The following CHRM2 variants were observed in gnomAD, a reference collection of about 807,000 sequenced individuals.
CHRM2 encodes the protein muscarinic acetylcholine receptor M2.
CHRM2 carries 8 observed loss-of-function variants against 25.0 expected under a neutral mutation model. The ratio of observed to expected loss-of-function variants is 0.32; its 90% CI spans 0.19 to 0.58. The LOEUF is 0.58. Ranked by LOEUF, CHRM2 falls within the 20% of genes least tolerant of loss-of-function variation. The pLI is 0.88. For synonymous variants in CHRM2, 202 were observed against 205.7 expected, an observed-to-expected ratio of 0.98 and a Z score of 0.15; for missense variants, 440 against 567.1, an observed-to-expected ratio of 0.78 and a Z score of 2.28.
chr7:136,871,438 C>T (rs1158241719), intron 2 of CHRM2: 1 of 152,654 alleles, frequency 6.6e-6, no homozygotes, highest in Non-Finnish European at 1.5e-5. Context: ...TGCGCCAGCG[C>T]TTCTGTTCGC....
At chr7:136,974,128 C>T (rs1801961803) in intron 2 of CHRM2, among the ~76,000 whole-genome samples, 1 of 152,036 alleles carries the variant, frequency 6.6e-6, no homozygotes, top group Non-Finnish European at 1.5e-5. Context: ...ATTTATGTCA[C>T]CTGAATTAAT....
intron 2 of CHRM2, among the ~76,000 whole-genome samples, chr7:136,943,835 C>T (rs531188670): frequency 2.8e-4 from 42 of 152,156 alleles, no homozygotes; most frequent in African/African-American, 7.9e-4. Flanking sequence ...AAGAAGGGAA[C>T]GTGCATATTT....
rs1290104978 is a variant in CHRM2, at chr7:136,930,927, A to AAAAAAAAAG, written c.-124-61260_-124-61259insAAAAAAAAG. On this transcript the variant is annotated intron_variant, in intron 2 of 3. Coordinates refer to ENST00000680005, the MANE Select transcript of CHRM2 (RefSeq NM_001006630.2). ...AAAAAAAAAAAAAAAAAAAAAAAAA[A>AAAAAAAAAG]GGATAGAAAGATCCTTACCACATAT... 2.1e-4 allele frequency among the ~76,000 whole-genome samples: 29 copies of AAAAAAAAAG among 138,660 alleles called. 1 individual carries two copies. The highest frequency in any genetic ancestry group is 8.1e-4 in the African/African-American group (29 of 35,854). 91.0% of individuals were successfully genotyped at this position (138,660 alleles called of 152,430 possible). A position where few individuals can be genotyped will look rare whatever the true frequency, so the allele number is the denominator to read the frequency against.
chr7:136,884,497 T>A (rs1306404170), intron 2 of CHRM2, among the ~76,000 whole-genome samples: 6 of 151,772 alleles, frequency 4.0e-5, no homozygotes, highest in Non-Finnish European at 8.8e-5. Context: ...TTTTTTTTTT[T>A]TGGTTGTCTT....
At chr7:136,874,855 T>C (rs1229576977) in intron 2 of CHRM2, among the ~76,000 whole-genome samples, 2 of 151,814 alleles carry the variant, frequency 1.3e-5, no homozygotes, top group Non-Finnish European at 2.9e-5. Context: ...AGGATATTTA[T>C]ACCCTTACAG....
At chr7:136,893,525 C>G (rs1477763382) in intron 2 of CHRM2, among the ~76,000 whole-genome samples, 1 of 152,184 alleles carries the variant, frequency 6.6e-6, no homozygotes, top group Non-Finnish European at 1.5e-5. Flanking sequence ...TTCCTCCTCA[C>G]TAGATTGCCC....
intron 3 of CHRM2, among the ~76,000 whole-genome samples, chr7:136,998,882 G>A (rs1396409413): frequency 3.3e-5 from 5 of 151,828 alleles, no homozygotes; most frequent in Admixed American, 3.3e-4. Flanking sequence ...AAGAAAACAT[G>A]TGCACATAGT....
intron 2 of CHRM2, among the ~76,000 whole-genome samples, chr7:136,951,244 G>C (rs1378588660): frequency 6.6e-6 from 1 of 152,176 alleles, no homozygotes; most frequent in Middle Eastern, 3.2e-3. Context: ...AAGGTGCCAG[G>C]CACATGGATG....
rs182951420 is a variant in CHRM2 at position 136,933,929 on chromosome 7, C to T, written c.-124-58258C>T. Among the ~76,000 whole-genome samples the T allele has an allele frequency of 7.2e-5, 11 of 152,092 alleles. No individual in the cohort carries two copies. In the South Asian group the frequency reaches 1.0e-3, roughly 14 times the overall value. On this transcript the variant is annotated intron_variant, in intron 2 of 3. Transcript: ENST00000680005. ...GTGAGTTTGGGAAAATTGCAAGTAA[C>T]GGCTAATGAGTATGAGATTTTTGTT... is the stretch of plus-strand genomic sequence containing the variant.
chr7:136,930,074 A>G (rs1184443584), intron 2 of CHRM2, among the ~76,000 whole-genome samples: 2 of 151,924 alleles, frequency 1.3e-5, no homozygotes, highest in African/African-American at 4.8e-5. Flanking sequence ...AATGAAACAT[A>G]AAGAAGAAAG....
chr7:136,955,103 G>A (rs543362734), intron 2 of CHRM2, among the ~76,000 whole-genome samples: 50 of 152,268 alleles, frequency 3.3e-4, no homozygotes, highest in African/African-American at 9.1e-4. Flanking sequence ...TAAATGAGCC[G>A]TAAAAGAGTT....
intron 2 of CHRM2, among the ~76,000 whole-genome samples, chr7:136,937,999 A>G (rs976639570): frequency 7.9e-5 from 12 of 152,318 alleles, no homozygotes; most frequent in African/African-American, 2.6e-4. Context: ...AGCAAGCGCA[A>G]CCACACTGGC....
At chr7:136,901,247 G>A (rs978247619) in intron 2 of CHRM2, among the ~76,000 whole-genome samples, 14 of 151,890 alleles carry the variant, frequency 9.2e-5, no homozygotes, top group African/African-American at 3.4e-4. Flanking sequence ...GTGGACTTGC[G>A]GTTTTTGGTT....
Position 136,943,238 on chromosome 7 carries a change from C to T in CHRM2, c.-124-48949C>T, listed in dbSNP as rs533737407. 5.9e-5 allele frequency among the ~76,000 whole-genome samples: 9 copies of T among 152,246 alleles called. No homozygotes were observed. In the South Asian group the frequency reaches 1.5e-3, roughly 25 times the overall value. ...GTTGTCTTAGTAATGTCTCTGGAGC[C>T]GTACTGAATAAATCTATCACCTCCT... On this transcript the variant is annotated intron_variant, in intron 2 of 3. Transcript: ENST00000680005.
At chr7:136,974,438 G>T (rs1469428104) in intron 2 of CHRM2, among the ~76,000 whole-genome samples, 1 of 152,124 alleles carries the variant, frequency 6.6e-6, no homozygotes, top group Admixed American at 6.5e-5. Flanking sequence ...GGAGGAAATA[G>T]CATCTAAGTT....
At position 137,016,208 on chromosome 7, in the gene CHRM2, A is replaced by G. The variant is rs1375588764; in HGVS notation, c.1343A>G (p.Lys448Arg). The G allele has an allele frequency of 4.3e-5, 69 of 1,612,962 alleles. No individual in the cohort carries two copies. Among genetic ancestry groups the G allele is most frequent in the Non-Finnish European group, 5.9e-5 (69 of 1,179,344 alleles). The change falls in exon 4 of 4, where the codon AAG becomes AGG. Residue 448 changes from lysine (K) to arginine (R), a missense_variant. Coordinates refer to ENST00000680005, the MANE Select transcript of CHRM2 (RefSeq NM_001006630.2). ...ACYALCNATFKKTFKHLLMCH... is the reference protein window; with the variant it reads ...ACYALCNATFRKTFKHLLMCH... ...TATGCACTTTGCAATGCCACCTTCA[A>G]GAAGACCTTTAAACACCTTCTCATG...
chr7:136,975,726 T>C (rs901865861), intron 2 of CHRM2, among the ~76,000 whole-genome samples: 1 of 152,214 alleles, frequency 6.6e-6, no homozygotes, highest in East Asian at 1.9e-4. Context: ...TCCTATTGCC[T>C]TCACTTTTGC....
At chr7:136,949,459 TA>T (rs386411435) in intron 2 of CHRM2, among the ~76,000 whole-genome samples, 216 of 120,810 alleles carry the variant, frequency 1.8e-3, no homozygotes, top group Admixed American at 3.2e-3. Flanking sequence ...TCTGCAAAAC[TA>T]AAAAAAAAAA....
intron 2 of CHRM2, among the ~76,000 whole-genome samples, chr7:136,912,620 A>G (rs1156770455): frequency 1.3e-5 from 2 of 151,848 alleles, no homozygotes; most frequent in Admixed American, 6.6e-5. Context: ...CACCGTTTGA[A>G]CCCAGAACTT....
Sources: gnomAD v4.1 joint callset for allele counts (sites outside exome capture counted in the v4.1 genomes callset) on GRCh38, gnomAD v4.1.1 for gene constraint, MANE v1.5 for transcripts, NCBI Gene and HGNC (gene_info 2026-07-23, HGNC 2026-07-21) for gene names.